NEBL: variants seen among roughly 807,000 people sequenced by gnomAD.
NEBL encodes the protein LIM and SH3 protein 2.
A neutral mutation model predicts 140.2 loss-of-function variants in NEBL; 122 were observed. The observed-to-expected ratio is 0.87, with a 90% confidence interval of 0.75 to 1.01. The LOEUF is 1.01. NEBL is among the 50% of genes least tolerant of loss of function. NEBL has a pLI of 0.00. For synonymous variants in NEBL, 436 were observed against 398.9 expected (o/e 1.09, Z -1.11); for missense variants, 1,365 against 1,231.3 (o/e 1.11, Z -1.62).
At chr10:21,255,373 C>T (rs143959360) in intron 1 of NEBL, among the ~76,000 whole-genome samples, 39 of 152,054 alleles carry the variant, frequency 2.6e-4, no homozygotes, top group African/African-American at 6.7e-4. Context: ...TCGGGTATTG[C>T]GAGCTGAGGA....
chr10:20,951,891 C>T (rs928671681), intron 4 of NEBL, among the ~76,000 whole-genome samples: 13 of 152,138 alleles, frequency 8.5e-5, no homozygotes, highest in Admixed American at 6.6e-4. Context: ...GAAATTGAGA[C>T]GTGAAGCTAG....
At chr10:20,979,702 T>C (rs1836954651) in intron 3 of NEBL, among the ~76,000 whole-genome samples, 1 of 152,106 alleles carries the variant, frequency 6.6e-6, no homozygotes, top group Non-Finnish European at 1.5e-5. Flanking sequence ...TTTTTTTTAA[T>C]TCATTTATGT....
chr10:20,876,479 T>A (rs1428548239), intron 5 of NEBL, among the ~76,000 whole-genome samples: 1 of 152,166 alleles, frequency 6.6e-6, no homozygotes, highest in African/African-American at 2.4e-5. Flanking sequence ...TTTTCTAGTA[T>A]CATTTTACTG....
At chr10:21,211,524 CCT>C (rs1028258449) in intron 3 of NEBL, among the ~76,000 whole-genome samples, 2 of 151,660 alleles carry the variant, frequency 1.3e-5, no homozygotes, top group African/African-American at 2.4e-5. Context: ...TTTTTTTTCT[CCT>C]GAGTTAGCTG....
At chr10:21,078,070 C>T (rs1272930439) in intron 2 of NEBL, among the ~76,000 whole-genome samples, 3 of 151,862 alleles carry the variant, frequency 2.0e-5, no homozygotes, top group Admixed American at 6.6e-5. Context: ...GCAGAATGGA[C>T]GGGAGGAGGA....
At chr10:21,282,516 G>C (rs1395754911) in intron 1 of NEBL, among the ~76,000 whole-genome samples, 1 of 151,582 alleles carries the variant, frequency 6.6e-6, no homozygotes, top group African/African-American at 2.4e-5. Flanking sequence ...AGGCAGGGGG[G>C]AAAAAAAAGA....
At chr10:21,123,156 G>C (rs1266054092) in intron 2 of NEBL, among the ~76,000 whole-genome samples, 1 of 152,140 alleles carries the variant, frequency 6.6e-6, no homozygotes, top group African/African-American at 2.4e-5. Flanking sequence ...TGATACCAAA[G>C]GATGTCTATA....
intron 4 of NEBL, among the ~76,000 whole-genome samples, chr10:20,921,313 C>G (rs1833567034): frequency 6.6e-6 from 1 of 152,176 alleles, no homozygotes; most frequent in Non-Finnish European, 1.5e-5. Flanking sequence ...TTATTCCTCC[C>G]CTGCCCTGTT....
chr10:20,800,751 T>C (rs568468178), intron 26 of NEBL, among the ~76,000 whole-genome samples: 20 of 152,208 alleles, frequency 1.3e-4, no homozygotes, highest in African/African-American at 4.6e-4. Flanking sequence ...TCTACATCAT[T>C]AATCCCTCTA....
chr10:21,029,635 C>T (rs1257002847), intron 2 of NEBL: 3 of 1,399,112 alleles, frequency 2.1e-6, no homozygotes, highest in Admixed American at 3.3e-5. Context: ...TGACTACCCG[C>T]CTAGAAGGGG....
intron 3 of NEBL, among the ~76,000 whole-genome samples, chr10:20,986,823 T>A (rs1837274801): frequency 6.6e-6 from 1 of 152,166 alleles, no homozygotes; most frequent in Non-Finnish European, 1.5e-5. Context: ...AAAAACATAC[T>A]CTCTCCAAAT....
At chr10:21,204,505 G>C (rs1054274743) in intron 3 of NEBL, among the ~76,000 whole-genome samples, 7 of 152,040 alleles carry the variant, frequency 4.6e-5, no homozygotes, top group African/African-American at 1.7e-4. Context: ...CAGCAAGAAG[G>C]CAGCTGTCTG....
intron 1 of NEBL, among the ~76,000 whole-genome samples, chr10:21,254,403 T>G (rs1230982843): frequency 6.6e-6 from 1 of 152,174 alleles, no homozygotes; most frequent in Admixed American, 6.5e-5. Context: ...ATTACGGGCA[T>G]GAGCCACCAT....
intron 10 of NEBL, among the ~76,000 whole-genome samples, chr10:20,851,504 A>G (rs1420487498): frequency 6.6e-6 from 1 of 151,982 alleles, no homozygotes; most frequent in Non-Finnish European, 1.5e-5. Context: ...GGCCGGGTGC[A>G]GTGGCTCACA....
chr10:20,806,739 G>A (rs1256749709), intron 26 of NEBL, among the ~76,000 whole-genome samples: 2 of 152,200 alleles, frequency 1.3e-5, no homozygotes, highest in Non-Finnish European at 2.9e-5. Flanking sequence ...CTCTTGGCCA[G>A]TGCACAAACA....
chr10:20,825,457 G>GACC (rs1839753251), intron 18 of NEBL, among the ~76,000 whole-genome samples: 1 of 151,978 alleles, frequency 6.6e-6, no homozygotes, highest in African/African-American at 2.4e-5. Flanking sequence ...AGGTGTTTGA[G>GACC]ACCAGCCTGG....
At chr10:20,889,757 A>G (rs1462880950) in intron 3 of NEBL, 88 bp downstream of exon 3, 1 of 828,658 alleles carries the variant, frequency 1.2e-6, no homozygotes, top group Non-Finnish European at 2.1e-6. Context: ...TGAAAATATT[A>G]TTCTTCATCT....
At chr10:20,808,789 G>A (rs942064246) in intron 25 of NEBL, 130 bp from the exon 26 acceptor site, 111 of 981,564 alleles carry the variant, frequency 1.1e-4, no homozygotes, top group Middle Eastern at 2.5e-4. Flanking sequence ...AAATCTCAGC[G>A]CTAGGCACCT....
rs566451627 is a variant in NEBL at position 20,848,139 on chromosome 10, A to G, written c.1116+2256T>C. ...TTATCTCTACAAAACAGGGACATTCATTGGGTGGCTCTACTCCATCCAAAA... is the reference window on the plus strand; with the variant it reads ...TTATCTCTACAAAACAGGGACATTCGTTGGGTGGCTCTACTCCATCCAAAA... On this transcript the variant is annotated intron_variant, in intron 11 of 27. Coordinates refer to ENST00000377122, the MANE Select transcript of NEBL (RefSeq NM_006393.3). 1.2e-4 allele frequency among the ~76,000 whole-genome samples: 18 copies of G among 152,282 alleles called. No homozygotes were observed. In the South Asian group the frequency reaches 3.1e-3, roughly 26 times the overall value.
Sources: allele counts gnomAD v4.1 joint callset (sites outside exome capture counted in the v4.1 genomes callset), GRCh38; gene constraint gnomAD v4.1.1; transcripts MANE v1.5; gene names NCBI Gene and HGNC (gene_info 2026-07-23, HGNC 2026-07-21).